The following ERO1B variants were observed in gnomAD, a reference collection of about 807,000 sequenced individuals.
ERO1B encodes the protein endoplasmic reticulum oxidoreductase 1 beta, also known as ERO1-like protein beta.
ERO1B carries 49 observed loss-of-function variants against 75.3 expected under a neutral mutation model. That is an observed-to-expected ratio of 0.65 (90% CI 0.52 to 0.83). The LOEUF (loss-of-function observed/expected upper bound fraction) is 0.83, where lower values mean the gene tolerates loss of function less well. Ranked by LOEUF, ERO1B falls within the 40% of genes least tolerant of loss-of-function variation. ERO1B has a pLI of 0.00. For missense variants in ERO1B, 512 were observed against 560.1 expected (o/e 0.91, Z 0.87); for synonymous variants, 191 against 192.9 (o/e 0.99, Z 0.08).
Position 236,239,153 on chromosome 1 carries a change from CTTAGT to C in ERO1B, c.506-2760_506-2756del, listed in dbSNP as rs533729800. Among the ~76,000 whole-genome samples the C allele has an allele frequency of 1.7e-3, 261 of 152,162 alleles. 1 individual carries two copies. The highest frequency in any genetic ancestry group is 5.9e-3 in the African/African-American group (243 of 41,522). ...TTTCAATGTTCTTAATGTTTATTCC[CTTAGT>C]TTAATCAATACTTTTTAAAAAAATC... is the stretch of plus-strand genomic sequence containing the variant. On this transcript the variant is annotated intron_variant, in intron 6 of 15. Transcript: ENST00000354619.
chr1:236,244,240 G>A (rs991909700), intron 5 of ERO1B, among the ~76,000 whole-genome samples: 5 of 152,064 alleles, frequency 3.3e-5, no homozygotes, highest in African/African-American at 1.2e-4. Flanking sequence ...ACAAAAAACT[G>A]TATAAATCAG....
At chr1:236,244,074 G>T (rs542944681) in intron 5 of ERO1B, among the ~76,000 whole-genome samples, 83 of 152,114 alleles carry the variant, frequency 5.5e-4, no homozygotes, top group Non-Finnish European at 1.0e-3. Flanking sequence ...GAACTGATAA[G>T]TAACAACTAC....
intron 2 of ERO1B, among the ~76,000 whole-genome samples, chr1:236,257,175 G>A (rs556833465): frequency 1.4e-3 from 218 of 152,296 alleles, no homozygotes; most frequent in Non-Finnish European, 2.4e-3. Flanking sequence ...ACAGCAGGCT[G>A]GACAAGCACA....
In ERO1B at chr1:236,226,368, G is replaced by T. The variant is rs1572031789; in HGVS notation, c.953C>A (p.Ala318Asp). The T allele has an allele frequency of 6.2e-7, 1 of 1,614,046 alleles. No individual in the cohort carries two copies. The highest frequency in any genetic ancestry group is 8.5e-7 in the Non-Finnish European group (1 of 1,179,978). ...LIELRALSKVAPYFERSIVDL... is the reference protein window; with the variant it reads ...LIELRALSKVDPYFERSIVDL... ...GACAATTGAGCGCTCAAAATATGGA[G>T]CCACCTTTGACAAAGCTCGAAGCTC... The change falls in exon 12 of 16, where the codon GCT becomes GAT. Residue 318 changes from alanine to aspartate, a missense_variant. By Grantham distance (126) the Ala-to-Asp change is moderately radical. Transcript: ENST00000354619.
chr1:236,247,310 G>C (rs1462802282), intron 5 of ERO1B, among the ~76,000 whole-genome samples: 1 of 152,158 alleles, frequency 6.6e-6, no homozygotes, highest in East Asian at 1.9e-4. Context: ...CTTTGTCTCA[G>C]ACTTGCTCCT....
chr1:236,262,694 C>T (rs1665319496), intron 2 of ERO1B, among the ~76,000 whole-genome samples: 1 of 152,156 alleles, frequency 6.6e-6, no homozygotes, highest in African/African-American at 2.4e-5. Context: ...CGTGAGCCAC[C>T]ATGCCCAGCC....
In ERO1B at chr1:236,226,729, C is replaced by G; in HGVS notation, c.723G>C (p.Leu241=). 6.2e-7 allele frequency: 1 copy of G among 1,609,428 alleles called. No individual in the cohort carries two copies. The highest frequency in any genetic ancestry group is 8.5e-7 in the Non-Finnish European group (1 of 1,178,538). The change falls in exon 11 of 16, where the codon CTG becomes CTC. Residue 241 remains leucine (L), a synonymous_variant. Coordinates refer to ENST00000354619, the MANE Select transcript of ERO1B (RefSeq NM_019891.4). ...SFYTWLEGLC[L]EKRVFYKLIS... ...TAAGCTTATAGAAGACTCTTTTCTC[C>G]AGACACAAACCTATTCAGAAAAATA...
In ERO1B at chr1:236,253,489, G is replaced by A; in HGVS notation, c.239C>T (p.Pro80Leu). The A allele has an allele frequency of 4.4e-6, 7 of 1,608,040 alleles. No homozygotes were observed. Among genetic ancestry groups the A allele is most frequent in the Non-Finnish European group, 6.0e-6 (7 of 1,176,198 alleles). Residue 80 changes from proline (P) to leucine (L), a missense_variant, in exon 3 of 16, where the codon CCT (proline) becomes CTT (leucine). By Grantham distance (98) the Pro-to-Leu change is moderately conservative. Transcript: ENST00000354619. ...FRYYKVNLKRPCPFWAEDGHC... is the reference protein window; with the variant it reads ...FRYYKVNLKRLCPFWAEDGHC... Reference sequence around the variant, plus strand: ...GCCATCTTCTGCCCAGAAAGGACAAGGTCGCTTCAGATTAACCTTGAAAGA... The same window carrying A: ...GCCATCTTCTGCCCAGAAAGGACAAAGTCGCTTCAGATTAACCTTGAAAGA...
At chr1:236,268,471 CGTA>C (rs1269342571) in intron 2 of ERO1B, among the ~76,000 whole-genome samples, 1 of 151,484 alleles carries the variant, frequency 6.6e-6, no homozygotes, top group Non-Finnish European at 1.5e-5. Flanking sequence ...ATTTAGCTGA[CGTA>C]AGCCTAGAAA....
intron 6 of ERO1B, among the ~76,000 whole-genome samples, chr1:236,241,071 G>C (rs1467221229): frequency 1.3e-5 from 2 of 152,256 alleles, no homozygotes; most frequent in African/African-American, 4.8e-5. Flanking sequence ...ACTACTATTT[G>C]ATCTATAGGG....
At chr1:236,228,496 T>C (rs1016335317) in intron 10 of ERO1B, among the ~76,000 whole-genome samples, 1 of 152,196 alleles carries the variant, frequency 6.6e-6, no homozygotes, top group Non-Finnish European at 1.5e-5. Context: ...TGAAGTGACA[T>C]CTGCAAAAGC....
chr1:236,256,513 A>G (rs1225479547), intron 2 of ERO1B, among the ~76,000 whole-genome samples: 1 of 149,712 alleles, frequency 6.7e-6, no homozygotes, highest in Non-Finnish European at 1.5e-5. Flanking sequence ...AACTCCCACA[A>G]TCTCTCAATG....
chr1:236,240,916 G>C (rs1435611706), intron 6 of ERO1B, among the ~76,000 whole-genome samples: 2 of 152,148 alleles, frequency 1.3e-5, no homozygotes, highest in Admixed American at 1.3e-4. Flanking sequence ...CGAGATGAGA[G>C]CAGGCTTTTC....
At position 236,226,494 on chromosome 1, in the gene ERO1B, C is replaced by T. The variant is rs1297414721; in HGVS notation, c.827G>A (p.Trp276Ter). 2 of 1,613,228 alleles carry T rather than the reference C, an allele frequency of 1.2e-6. No homozygotes were observed. Among genetic ancestry groups the T allele is most frequent in the East Asian group, 4.5e-5 (2 of 44,860 alleles). The change falls in exon 12 of 16, where the codon TGG becomes TAG. Residue 276 changes from tryptophan (W) to a stop codon, truncating the protein, a stop_gained. Transcript: ENST00000354619. LOFTEE classifies it high-confidence loss of function. ...TTTGAATTCTTTAATATTAGGTCCC[C>T]AACTGGGCTTACCCCAGGTTTCTAA... ...LLEETWGKPSWGPNIKEFKHR... is the reference protein window; with the variant it reads ...LLEETWGKPS
intron 1 of ERO1B, among the ~76,000 whole-genome samples, chr1:236,272,230 T>C (rs1011786641): frequency 6.6e-6 from 1 of 152,102 alleles, no homozygotes; most frequent in Admixed American, 6.6e-5. Context: ...AGGAAATCAT[T>C]ATATCAAAAA....
chr1:236,244,102 T>G (rs1285306296), intron 5 of ERO1B, among the ~76,000 whole-genome samples: 1 of 152,168 alleles, frequency 6.6e-6, no homozygotes, highest in Non-Finnish European at 1.5e-5. Context: ...GAAATCAACT[T>G]TGATCTACAT....
chr1:236,281,066 C>T (rs1320611241), intron 1 of ERO1B, among the ~76,000 whole-genome samples: 3 of 152,208 alleles, frequency 2.0e-5, no homozygotes, highest in African/African-American at 4.8e-5. Context: ...CCCCCAGTCT[C>T]GTATTGGGAC....
intron 9 of ERO1B, among the ~76,000 whole-genome samples, chr1:236,231,197 A>T (rs755639524): frequency 6.6e-6 from 1 of 152,200 alleles, no homozygotes; most frequent in Non-Finnish European, 1.5e-5. Context: ...TTAATTTTCA[A>T]TATAATTCTT....
intron 14 of ERO1B, among the ~76,000 whole-genome samples, chr1:236,221,203 C>G (rs1364503653): frequency 6.6e-6 from 1 of 151,982 alleles, no homozygotes. Context: ...CATACTATTC[C>G]AAATTATTAA....
Sources: gnomAD v4.1 joint callset for allele counts (sites outside exome capture counted in the v4.1 genomes callset) on GRCh38, gnomAD v4.1.1 for gene constraint, MANE v1.5 for transcripts, NCBI Gene and HGNC (gene_info 2026-07-23, HGNC 2026-07-21) for gene names.